The following TPCN2 variants were observed in gnomAD, a reference collection of about 807,000 sequenced individuals.
The protein encoded by TPCN2 is two pore channel protein 2.
In TPCN2, 92 loss-of-function variants were observed where a neutral mutation model predicts 111.4. That is an observed-to-expected ratio of 0.83 (90% confidence interval 0.70 to 0.98). TPCN2 has a LOEUF of 0.98. TPCN2 is among the 50% of genes least tolerant of loss of function. The pLI, the probability that TPCN2 is intolerant of heterozygous loss-of-function variation, is 0.00. For missense variants in TPCN2, 995 were observed against 980.1 expected (o/e 1.02, Z -0.20); for synonymous variants, 405 against 414.5 (o/e 0.98, Z 0.28).
chr11:69,087,423 C>T (rs1856331652), intron 24 of TPCN2, among the ~76,000 whole-genome samples: 1 of 152,180 alleles, frequency 6.6e-6, no homozygotes, highest in South Asian at 2.1e-4. Context: ...TTGTCCTGCT[C>T]TCCTGCTCTT....
intron 19 of TPCN2, among the ~76,000 whole-genome samples, chr11:69,084,293 T>G (rs1201378701): frequency 6.6e-6 from 1 of 152,078 alleles, no homozygotes; most frequent in Non-Finnish European, 1.5e-5. Flanking sequence ...AATTTTTGAG[T>G]CTCTCGTGTT....
rs1220662720 is a variant in TPCN2, at chr11:69,067,520, C to G, written c.744C>G (p.Asp248Glu). ...FAGGKQDDGQDRERLTYFQNL... is the reference protein window; with the variant it reads ...FAGGKQDDGQERERLTYFQNL... Reference sequence around the variant, plus strand: ...GCTCTTAGCAGGATGATGGGCAGGACAGGGAGAGGCTGACCTACTTCCAGA... The same window carrying G: ...GCTCTTAGCAGGATGATGGGCAGGAGAGGGAGAGGCTGACCTACTTCCAGA... The change falls in exon 8 of 25, where the codon GAC becomes GAG. Residue 248 changes from aspartate to glutamate, a missense_variant. Physicochemically the swap from Asp to Glu is conservative, Grantham distance 45. Transcript: ENST00000294309. 1.2e-6 allele frequency: 2 copies of G among 1,613,772 alleles called. No homozygotes were observed. The highest frequency in any genetic ancestry group is 2.7e-5 in the African/African-American group (2 of 75,040).
At position 69,064,069 on chromosome 11, in the gene TPCN2, G is replaced by A. The variant is rs572573445; in HGVS notation, c.726+102G>A. ...TGCTGCCCTGGCCTAACCCATGTGC[G>A]GACTCTGTCCAGTAATAGCAGTGGC... On this transcript the variant is annotated intron_variant, in intron 7 of 24. Transcript: ENST00000294309. 82 of 1,175,616 alleles carry A rather than the reference G, an allele frequency of 7.0e-5. 3 individuals are homozygous for A. Among genetic ancestry groups the A allele is most frequent in the Admixed American group, 6.2e-4 (32 of 51,998 alleles). 72.8% of individuals were successfully genotyped at this position (1,175,616 alleles called of 1,614,324 possible).
chr11:69,065,247 G>A (rs551161298), intron 7 of TPCN2, among the ~76,000 whole-genome samples: 49 of 152,298 alleles, frequency 3.2e-4, no homozygotes, highest in African/African-American at 1.1e-3. Context: ...TCCTCTGTGT[G>A]ACCGTCCAGT....
In TPCN2 at chr11:69,065,412, G is replaced by T. The variant is rs1419037057; in HGVS notation, c.726+1445G>T. On this transcript the variant is annotated intron_variant, in intron 7 of 24. Transcript: ENST00000294309. The stretch of plus-strand genomic sequence containing the variant: ...CCATCCTGAGGCACCTGGAAGGGTT[G>T]GCTCCTCCTCCAGGCGTGGGTTTCT... Among the ~76,000 whole-genome samples, 4 of 152,176 alleles carry T rather than the reference G, an allele frequency of 2.6e-5. No individual in the cohort carries two copies. The East Asian group carries it at 7.7e-4, about 29-fold the overall frequency.
chr11:69,055,695 A>G (rs574297996), intron 4 of TPCN2, among the ~76,000 whole-genome samples: 361 of 150,054 alleles, frequency 2.4e-3, no homozygotes, highest in Non-Finnish European at 3.8e-3. Flanking sequence ...CCACCATGCA[A>G]ACTGAGCCCA....
rs1299488373 is a variant in TPCN2, at chr11:69,071,349, C to A, written c.896-7C>A. On this transcript the variant is annotated splice_region_variant and splice_polypyrimidine_tract_variant and intron_variant, in intron 9 of 24. Transcript: ENST00000294309. ...GCGCCCCTGACCGTGGCTGTCTCCT[C>A]TTGAAGGAAGCCTGTTTCTGATGAA... The A allele has an allele frequency of 1.9e-6, 3 of 1,613,300 alleles. No individual in the cohort carries two copies. In the African/African-American group the frequency reaches 4.0e-5, roughly 22 times the overall value.
At chr11:69,064,979 GTATGTC>G (rs1855202813) in intron 7 of TPCN2, among the ~76,000 whole-genome samples, 6 of 146,114 alleles carry the variant, frequency 4.1e-5, no homozygotes, top group South Asian at 2.3e-4. Context: ...CATGGTGTCT[GTATGTC>G]TGTGTGCGTG....
At chr11:69,066,479 T>C (rs1177253128) in intron 7 of TPCN2, among the ~76,000 whole-genome samples, 2 of 152,086 alleles carry the variant, frequency 1.3e-5, no homozygotes, top group Non-Finnish European at 2.9e-5. Flanking sequence ...ACCAATTAGC[T>C]CACGTGTCCT....
At position 69,074,496 on chromosome 11, in the gene TPCN2, G is replaced by C. The variant is rs559960803; in HGVS notation, c.1230+1495G>C. ...GTGCAGATTTCACAGAAACTGTGGAGATGGTCCTCAGATAACAGAAAGTTA... is the reference window on the plus strand; with the variant it reads ...GTGCAGATTTCACAGAAACTGTGGACATGGTCCTCAGATAACAGAAAGTTA... On this transcript the variant is annotated intron_variant, in intron 13 of 24. Coordinates refer to ENST00000294309, the MANE Select transcript of TPCN2 (RefSeq NM_139075.4). Among the ~76,000 whole-genome samples, 22 of 152,362 alleles carry C rather than the reference G, an allele frequency of 1.4e-4. No individual in the cohort carries two copies. In the South Asian group the frequency reaches 4.3e-3, roughly 30 times the overall value.
rs757351535 is a variant in TPCN2, at chr11:69,057,682, C to T, written c.534C>T (p.Leu178=). The change falls in exon 5 of 25, where the codon CTC becomes CTT. Residue 178 remains leucine (L), a synonymous_variant. Coordinates refer to ENST00000294309, the MANE Select transcript of TPCN2 (RefSeq NM_139075.4). The part of the protein sequence containing the change: ...SLVDWTVSLS[L]VCHEPLRIRR... Reference sequence around the variant, plus strand: ...TGGACTGGACCGTGTCCCTGAGTCTCGTGTGTCATGAGGTAGGTGGTGAGG... The same window carrying T: ...TGGACTGGACCGTGTCCCTGAGTCTTGTGTGTCATGAGGTAGGTGGTGAGG... 29 of 1,613,948 alleles carry T rather than the reference C, an allele frequency of 1.8e-5. No individual in the cohort carries two copies. Among genetic ancestry groups the T allele is most frequent in the African/African-American group, 5.3e-5 (4 of 74,910 alleles).
In TPCN2 at chr11:69,049,038, G is replaced by T. The variant is rs1465019376; in HGVS notation, c.41G>T (p.Gly14Val). The change falls in exon 1 of 25, where the codon GGG (glycine) becomes GTG (valine). Residue 14 changes from glycine (G) to valine (V), a missense_variant. Physicochemically the swap from Gly to Val is moderately radical, Grantham distance 109. Coordinates refer to ENST00000294309, the MANE Select transcript of TPCN2 (RefSeq NM_139075.4). ...PQAESEPLLG[G>V]ARGGGGDWPA... is the part of the protein sequence containing the mutation. ...GCGGAGTCGGAGCCCCTGCTGGGCG[G>T]GGCCCGCGGCGGTGGCGGCGACTGG... is the stretch of plus-strand genomic sequence containing the variant. 1 of 1,242,020 alleles carries T rather than the reference G, an allele frequency of 8.1e-7. No homozygotes were observed. The allele number at this position is 1,242,020 out of a possible 1,614,324, so 76.9% of individuals were successfully genotyped here. A position where few individuals can be genotyped will look rare whatever the true frequency, so the allele number is the denominator to read the frequency against.
At position 69,062,933 on chromosome 11, in the gene TPCN2, C is replaced by A. The variant is rs1248921129; in HGVS notation, c.596C>A (p.Ser199Tyr). The A allele has an allele frequency of 6.2e-7, 1 of 1,613,920 alleles. No homozygotes were observed. Among genetic ancestry groups the A allele is most frequent in the East Asian group, 2.2e-5 (1 of 44,858 alleles). The change falls in exon 6 of 25, where the codon TCC (serine) becomes TAC (tyrosine). Residue 199 changes from serine (S) to tyrosine (Y), a missense_variant. By Grantham distance (144) the Ser-to-Tyr change is moderately radical. Transcript: ENST00000294309. Reference protein sequence around the residue: ...LLRPFFLLQNSSMMKKTLKCI... With the variant: ...LLRPFFLLQNYSMMKKTLKCI... ...CGTCCCTTCTTCCTGCTGCAGAACT[C>A]CTCTATGATGAAGAAGACCTTGAAA... is the stretch of plus-strand genomic sequence containing the variant.
intron 7 of TPCN2, 49 bp downstream of exon 7, chr11:69,064,016 G>T: frequency 6.4e-7 from 1 of 1,569,014 alleles, no homozygotes; most frequent in South Asian, 1.1e-5. Flanking sequence ...CCTGTGCTGT[G>T]ACTAACAGAG....
At chr11:69,079,629 G>A (rs1170500718) in intron 16 of TPCN2, 6 of 560,170 alleles carry the variant, frequency 1.1e-5, no homozygotes, top group South Asian at 2.4e-5. Context: ...GCAGTCCCCC[G>A]ATTCCTGAGG....
chr11:69,057,699 G>A lies in TPCN2; in HGVS notation c.546+5G>A. The stretch of plus-strand genomic sequence containing the variant: ...CTGAGTCTCGTGTGTCATGAGGTAG[G>A]TGGTGAGGCAGCCCTGAGACAGATG... On this transcript the variant is annotated splice_donor_5th_base_variant and intron_variant, in intron 5 of 24. Transcript: ENST00000294309. 1.2e-6 allele frequency: 2 copies of A among 1,613,266 alleles called. No homozygotes were observed. Among genetic ancestry groups the A allele is most frequent in the South Asian group, 1.1e-5 (1 of 91,072 alleles).
At chr11:69,073,352 T>TA (rs1307651236) in intron 13 of TPCN2, among the ~76,000 whole-genome samples, 2 of 152,228 alleles carry the variant, frequency 1.3e-5, no homozygotes, top group Admixed American at 6.5e-5. Context: ...CCTTGACACT[T>TA]ACAAAGTTCC....
chr11:69,081,128 G>A (rs1855987584), intron 17 of TPCN2, among the ~76,000 whole-genome samples: 1 of 151,814 alleles, frequency 6.6e-6, no homozygotes, highest in Non-Finnish European at 1.5e-5. Context: ...TAGAAGGAGG[G>A]CTGCAGCCTT....
chr11:69,073,607 C>T (rs1855630723), intron 13 of TPCN2, among the ~76,000 whole-genome samples: 1 of 152,236 alleles, frequency 6.6e-6, no homozygotes, highest in South Asian at 2.1e-4. Flanking sequence ...CCTGGGACGG[C>T]ACCACAGACT....
Sources: allele counts gnomAD v4.1 joint callset (sites outside exome capture counted in the v4.1 genomes callset), GRCh38; gene constraint gnomAD v4.1.1; transcripts MANE v1.5; gene names NCBI Gene and HGNC (gene_info 2026-07-23, HGNC 2026-07-21).